The following ARHGAP6 variants were observed in gnomAD, a reference collection of about 807,000 sequenced individuals.
The protein encoded by ARHGAP6 is rho GTPase-activating protein 6.
A neutral mutation model predicts 55.7 loss-of-function variants in ARHGAP6; 16 were observed. That is an observed-to-expected ratio of 0.29 (90% CI 0.19 to 0.44). The LOEUF is 0.44. Ranked by LOEUF, ARHGAP6 falls within the 20% of genes least tolerant of loss-of-function variation. The pLI is 1.00. For missense variants in ARHGAP6, 698 were observed against 808.9 expected (o/e 0.86, Z 1.66); for synonymous variants, 382 against 360.9 (o/e 1.06, Z -0.66).
At chrX:11,360,964 T>A (rs1480504548) in intron 1 of ARHGAP6, among the ~76,000 whole-genome samples, 1 of 110,941 alleles carries the variant, frequency 9.0e-6, no homozygotes, top group Non-Finnish European at 1.9e-5. Context: ...GAGGACCTCT[T>A]CAAGGAGAAC....
intron 1 of ARHGAP6, among the ~76,000 whole-genome samples, chrX:11,606,137 G>A (rs1196008331): frequency 1.8e-5 from 2 of 111,904 alleles, no homozygotes; most frequent in African/African-American, 6.5e-5. Context: ...TGTGTGTTGT[G>A]CAATTTAATT....
chrX:11,285,165 T>G lies in ARHGAP6; in HGVS notation c.589-30458A>C, dbSNP rs775483785. On this transcript the variant is annotated intron_variant, in intron 1 of 12. Coordinates refer to ENST00000337414, the MANE Select transcript of ARHGAP6 (RefSeq NM_013427.3). ...TCCAGATGAACAACCACACAGATTG[T>G]TTTTTTTTTTTTTTTCCAAACATTT... is the stretch of plus-strand genomic sequence containing the variant. Among the ~76,000 whole-genome samples, 15 of 50,898 alleles carry G rather than the reference T, an allele frequency of 2.9e-4. No individual in the cohort carries two copies. In the South Asian group the frequency reaches 9.0e-3, roughly 31 times the overall value. 44.2% of individuals were successfully genotyped at this position (50,898 alleles called of 115,157 possible).
intron 1 of ARHGAP6, among the ~76,000 whole-genome samples, chrX:11,442,943 G>A (rs948034549): frequency 1.8e-5 from 2 of 112,108 alleles, no homozygotes; most frequent in Non-Finnish European, 3.8e-5. Flanking sequence ...TTAAAGAGAT[G>A]TGCATTCTTT....
intron 1 of ARHGAP6, among the ~76,000 whole-genome samples, chrX:11,323,866 CAAAAAAAAAAAAAA>C (rs61462099): frequency 4.2e-4 from 17 of 40,299 alleles, no homozygotes; most frequent in Non-Finnish European, 7.2e-4. Flanking sequence ...ACCCCCATTT[CAAAAAAAAAAAAAA>C]AAAAAAAGAA....
intron 1 of ARHGAP6, chrX:11,298,719 C>T (rs2048126140): frequency 8.3e-7 from 1 of 1,211,267 alleles, no homozygotes; most frequent in Non-Finnish European, 1.1e-6. Context: ...CGTTCCTGGC[C>T]AACACTCCAT....
chrX:11,538,323 A>T lies in ARHGAP6; in HGVS notation c.588+125918T>A, dbSNP rs1273076382. On this transcript the variant is annotated intron_variant, in intron 1 of 12. Coordinates refer to ENST00000337414, the MANE Select transcript of ARHGAP6 (RefSeq NM_013427.3). ...GAAACTATCAGAAGATCATGGACTCATGTTTCATGTGCCCACACTCAGTGA... is the reference window on the plus strand; with the variant it reads ...GAAACTATCAGAAGATCATGGACTCTTGTTTCATGTGCCCACACTCAGTGA... Among the ~76,000 whole-genome samples the T allele has an allele frequency of 2.7e-5, 3 of 112,294 alleles. No homozygotes were observed. In the East Asian group the frequency reaches 8.4e-4, roughly 31 times the overall value.
chrX:11,464,956 C>T (rs2050279121), intron 1 of ARHGAP6, among the ~76,000 whole-genome samples: 1 of 111,906 alleles, frequency 8.9e-6, no homozygotes, highest in African/African-American at 3.2e-5. Context: ...CTTCTGACTG[C>T]ACCACCTTCA....
chrX:11,283,553 G>A (rs994689968), intron 1 of ARHGAP6, among the ~76,000 whole-genome samples: 1 of 112,515 alleles, frequency 8.9e-6, no homozygotes, highest in Non-Finnish European at 1.9e-5. Context: ...GCAAAGAGGA[G>A]TTAAAGTTGC....
chrX:11,654,365 A>G (rs2052616541), intron 1 of ARHGAP6, among the ~76,000 whole-genome samples: 1 of 111,776 alleles, frequency 8.9e-6, no homozygotes, highest in Non-Finnish European at 1.9e-5. Context: ...ACAGAAATGA[A>G]AACATGTTAT....
intron 11 of ARHGAP6, chrX:11,143,710 G>A (rs1197837300): frequency 1.8e-6 from 2 of 1,084,962 alleles, no homozygotes; most frequent in Admixed American, 3.6e-5. Flanking sequence ...GGGAATAGGA[G>A]TGGCTCCTCT....
intron 3 of ARHGAP6, among the ~76,000 whole-genome samples, chrX:11,193,189 G>A (rs2046484473): frequency 8.9e-6 from 1 of 112,390 alleles, no homozygotes; most frequent in Admixed American, 9.4e-5. Context: ...TAATATGGTA[G>A]CATATCAACC....
chrX:11,476,218 A>G (rs1175665088), intron 1 of ARHGAP6, among the ~76,000 whole-genome samples: 1 of 111,459 alleles, frequency 9.0e-6, no homozygotes, highest in Non-Finnish European at 1.9e-5. Flanking sequence ...TGCAAGGTTA[A>G]TATCCAAAAC....
In ARHGAP6 at chrX:11,138,458, A is replaced by G. The variant is rs865851646; in HGVS notation, c.*405T>C. ...ATATAAGTGAAGTGATTTTTTTTTT[A>G]AAAGTTCCTTTTGTTTTCTCTTTGT... is the stretch of plus-strand genomic sequence containing the variant. On this transcript the variant is annotated 3_prime_UTR_variant, in exon 13 of 13. Coordinates refer to ENST00000337414, the MANE Select transcript of ARHGAP6 (RefSeq NM_013427.3). 20 of 136,683 alleles carry G rather than the reference A, an allele frequency of 1.5e-4. No individual in the cohort carries two copies. Among genetic ancestry groups the G allele is most frequent in the Non-Finnish European group, 2.8e-4 (20 of 71,127 alleles). The allele number at this position is 136,683 out of a possible 1,213,427, so 11.3% of individuals were successfully genotyped here.
intron 1 of ARHGAP6, among the ~76,000 whole-genome samples, chrX:11,557,935 C>T (rs1263374576): frequency 8.9e-6 from 1 of 111,810 alleles, no homozygotes; most frequent in East Asian, 2.8e-4. Context: ...CCAGGAGTGG[C>T]CTCTCTGAAT....
intron 1 of ARHGAP6, among the ~76,000 whole-genome samples, chrX:11,331,459 C>A (rs144714731): frequency 1.5e-4 from 17 of 111,979 alleles, no homozygotes; most frequent in African/African-American, 5.5e-4. Context: ...GTTAAATAAA[C>A]GTGTATGCCT....
chrX:11,369,520 C>A (rs1460575761), intron 1 of ARHGAP6, among the ~76,000 whole-genome samples: 1 of 111,465 alleles, frequency 9.0e-6, no homozygotes, highest in Non-Finnish European at 1.9e-5. Flanking sequence ...GAGGTCAAAC[C>A]TTGCCCTCAT....
chrX:11,295,505 T>C (rs2048069847), intron 1 of ARHGAP6, among the ~76,000 whole-genome samples: 1 of 111,440 alleles, frequency 9.0e-6, no homozygotes, highest in Non-Finnish European at 1.9e-5. Flanking sequence ...TGGACACAGG[T>C]GCATAAGGGC....
chrX:11,217,173 CAT>C (rs1184861042), intron 2 of ARHGAP6, among the ~76,000 whole-genome samples: 2 of 112,231 alleles, frequency 1.8e-5, no homozygotes, highest in African/African-American at 6.5e-5. Context: ...CTGCAATAAA[CAT>C]ATGTGTGCAT....
At chrX:11,601,102 G>T (rs1178016416) in intron 1 of ARHGAP6, among the ~76,000 whole-genome samples, 1 of 111,955 alleles carries the variant, frequency 8.9e-6, no homozygotes, top group Admixed American at 9.5e-5. Flanking sequence ...ATACAGGAAT[G>T]GTGAATGTTA....
Sources: allele counts gnomAD v4.1 joint callset (sites outside exome capture counted in the v4.1 genomes callset), GRCh38; gene constraint gnomAD v4.1.1; transcripts MANE v1.5; gene names NCBI Gene and HGNC (gene_info 2026-07-23, HGNC 2026-07-21).